The following AGMO variants were observed in gnomAD, a reference collection of about 807,000 sequenced individuals.
The protein encoded by AGMO is glyceryl-ether monooxygenase.
Under a neutral mutation model 60.2 loss-of-function variants are expected in AGMO, and 75 were observed. The observed-to-expected ratio is 1.25, with a 90% CI of 1.03 to 1.51. AGMO has a LOEUF of 1.51. AGMO is among the 40% of genes most tolerant of loss of function. The pLI is 0.00. For synonymous variants in AGMO, 261 were observed against 177.1 expected (o/e 1.47, Z -3.76); for missense variants, 763 against 525.5 (o/e 1.45, Z -4.42).
intron 10 of AGMO, among the ~76,000 whole-genome samples, chr7:15,368,409 A>G (rs1783068232): frequency 1.3e-5 from 2 of 152,094 alleles, no homozygotes; most frequent in African/African-American, 4.8e-5. Flanking sequence ...AAAAATTTAC[A>G]TATAAGGGAG....
In AGMO at chr7:15,337,926, C is replaced by T. The variant is rs559677128; in HGVS notation, c.1263+27588G>A. Reference sequence around the variant, plus strand: ...AGCTGCAGCAATTAGCTGAGGAAAGCGATGAAAATCTCCAAGGCAAACATA... The same window carrying T: ...AGCTGCAGCAATTAGCTGAGGAAAGTGATGAAAATCTCCAAGGCAAACATA... On this transcript the variant is annotated intron_variant, in intron 12 of 12. Coordinates refer to ENST00000342526, the MANE Select transcript of AGMO (RefSeq NM_001004320.2). Among the ~76,000 whole-genome samples, 24 of 152,228 alleles carry T rather than the reference C, an allele frequency of 1.6e-4. No individual in the cohort carries two copies. In the South Asian group the frequency reaches 2.9e-3, roughly 18 times the overall value.
In AGMO at chr7:15,556,611, G is replaced by T. The variant is rs1297292427; in HGVS notation, c.257+3530C>A. ...AGTCCCAGTTTTCTAATGAAGGATTGGAAATTGAGTTCTGCTTAAACAAGC... is the reference window on the plus strand; with the variant it reads ...AGTCCCAGTTTTCTAATGAAGGATTTGAAATTGAGTTCTGCTTAAACAAGC... On this transcript the variant is annotated intron_variant, in intron 2 of 12. Coordinates refer to ENST00000342526, the MANE Select transcript of AGMO (RefSeq NM_001004320.2). 4.6e-5 allele frequency among the ~76,000 whole-genome samples: 7 copies of T among 151,978 alleles called. No individual in the cohort carries two copies. The East Asian group carries it at 1.4e-3, about 29-fold the overall frequency.
the AGMO span, among the ~76,000 whole-genome samples, chr7:15,133,158 G>T: frequency 2.0e-5 from 3 of 152,154 alleles, no homozygotes; most frequent in Admixed American, 6.5e-5. Context: ...TTTGAGGAGG[G>T]AAGAATAAAT....
intron 12 of AGMO, among the ~76,000 whole-genome samples, chr7:15,354,406 ACACACG>A (rs1782403627): frequency 9.4e-5 from 3 of 31,952 alleles, no homozygotes; most frequent in African/African-American, 7.4e-4. Context: ...ACGTGTGTGT[ACACACG>A]TGTGTGTATA....
At chr7:15,202,341 CAA>C (rs1281903714) in intron 12 of AGMO, among the ~76,000 whole-genome samples, 1 of 151,254 alleles carries the variant, frequency 6.6e-6, no homozygotes, top group Non-Finnish European at 1.5e-5. Flanking sequence ...CCGGTGAAGT[CAA>C]GACTGTTAAC....
At chr7:15,134,653 G>A in the AGMO span, among the ~76,000 whole-genome samples, 3 of 152,086 alleles carry the variant, frequency 2.0e-5, no homozygotes, top group Admixed American at 2.0e-4. Context: ...TTATGGCTAT[G>A]TAGTATCCCA....
chr7:15,560,429 T>C (rs1785273699), intron 1 of AGMO, among the ~76,000 whole-genome samples, 158 bp from the exon 2 acceptor site: 2 of 152,114 alleles, frequency 1.3e-5, no homozygotes, highest in Non-Finnish European at 2.9e-5. Flanking sequence ...TACACAGTGG[T>C]AAAGAAGTCT....
At chr7:15,287,268 T>A (rs1483894385) in intron 12 of AGMO, among the ~76,000 whole-genome samples, 1 of 152,152 alleles carries the variant, frequency 6.6e-6, no homozygotes, top group Non-Finnish European at 1.5e-5. Flanking sequence ...GGGCAAAAAT[T>A]AATAGAAATT....
chr7:15,480,599 C>T lies in AGMO; in HGVS notation c.410-49491G>A, dbSNP rs543319331. ...TGGAATTCTCCTTTCTGGCTACATA[C>T]CAATTCAAACACTTCACAAAATAGC... On this transcript the variant is annotated intron_variant, in intron 3 of 12. Coordinates refer to ENST00000342526, the MANE Select transcript of AGMO (RefSeq NM_001004320.2). Among the ~76,000 whole-genome samples, 4 of 152,142 alleles carry T rather than the reference C, an allele frequency of 2.6e-5. No individual in the cohort carries two copies. In the East Asian group the frequency reaches 7.8e-4, roughly 29 times the overall value.
intron 12 of AGMO, among the ~76,000 whole-genome samples, chr7:15,316,806 T>A (rs1340456439): frequency 6.6e-6 from 1 of 152,186 alleles, no homozygotes; most frequent in East Asian, 1.9e-4. Context: ...ATAATCCAAC[T>A]TTATAGATTA....
At chr7:15,488,501 G>C (rs1782978782) in intron 3 of AGMO, among the ~76,000 whole-genome samples, 1 of 152,124 alleles carries the variant, frequency 6.6e-6, no homozygotes, top group Middle Eastern at 3.4e-3. Context: ...GCCCATTCTT[G>C]GCATTGTCTA....
the AGMO span, among the ~76,000 whole-genome samples, chr7:15,126,080 C>A: frequency 6.1e-4 from 93 of 152,140 alleles, no homozygotes; most frequent in Middle Eastern, 3.4e-3. Context: ...GAGCTAGGAG[C>A]TAGGCACACA....
intron 3 of AGMO, among the ~76,000 whole-genome samples, chr7:15,524,655 G>A (rs1784077823): frequency 6.6e-6 from 1 of 151,968 alleles, no homozygotes; most frequent in African/African-American, 2.4e-5. Context: ...CTAAGGTTGG[G>A]AGTTTGAGAC....
intron 5 of AGMO, among the ~76,000 whole-genome samples, chr7:15,412,404 G>A (rs192715817): frequency 6.6e-6 from 1 of 151,984 alleles, no homozygotes; most frequent in South Asian, 2.1e-4. Flanking sequence ...GATACCTAAA[G>A]TGACTGGAAA....
At chr7:15,136,615 T>G in the AGMO span, among the ~76,000 whole-genome samples, 1 of 152,144 alleles carries the variant, frequency 6.6e-6, no homozygotes, top group African/African-American at 2.4e-5. Flanking sequence ...CACTTGAAAA[T>G]TGAAGTTTTC....
chr7:15,505,434 C>T (rs1407416971), intron 3 of AGMO, among the ~76,000 whole-genome samples: 1 of 151,882 alleles, frequency 6.6e-6, no homozygotes, highest in East Asian at 1.9e-4. Context: ...GAAATCTGTG[C>T]GTACTCAGGC....
At chr7:15,455,156 A>AT (rs1158864906) in intron 3 of AGMO, among the ~76,000 whole-genome samples, 1 of 150,952 alleles carries the variant, frequency 6.6e-6, no homozygotes, top group Non-Finnish European at 1.5e-5. Context: ...TATTATCATT[A>AT]TTTTTGGTAA....
the AGMO span, among the ~76,000 whole-genome samples, chr7:15,162,248 A>G: frequency 6.6e-6 from 1 of 152,128 alleles, no homozygotes; most frequent in Non-Finnish European, 1.5e-5. Context: ...TTTATAAGTT[A>G]CCCAGTCTCA....
At chr7:15,377,103 C>G (rs1428978224) in intron 10 of AGMO, among the ~76,000 whole-genome samples, 2 of 152,054 alleles carry the variant, frequency 1.3e-5, no homozygotes, top group African/African-American at 2.4e-5. Context: ...TACAGTGAAT[C>G]TGGAAAAAAA....
Sources: allele counts gnomAD v4.1 joint callset (sites outside exome capture counted in the v4.1 genomes callset), GRCh38; gene constraint gnomAD v4.1.1; transcripts MANE v1.5; gene names NCBI Gene and HGNC (gene_info 2026-07-23, HGNC 2026-07-21).